The following ASPM variants were observed in gnomAD, a reference collection of about 807,000 sequenced individuals.
ASPM encodes the protein abnormal spindle-like microcephaly-associated protein.
Under a neutral mutation model 366.4 loss-of-function variants are expected in ASPM, and 256 were observed. The ratio of observed to expected loss-of-function variants is 0.70; its 90% CI spans 0.63 to 0.77. ASPM has a LOEUF of 0.77. ASPM is among the 30% of genes least tolerant of loss of function. ASPM has a pLI of 0.00. For synonymous variants in ASPM, 1,414 were observed against 1,342.9 expected (o/e 1.05, Z -1.16); for missense variants, 4,146 against 4,090.4 (o/e 1.01, Z -0.37).
intron 4 of ASPM, among the ~76,000 whole-genome samples, chr1:197,135,623 C>CTTTTTTTTTTTTTT (rs778898963): frequency 1.7e-4 from 12 of 69,792 alleles, no homozygotes; most frequent in South Asian, 5.0e-4. Context: ...AAATATCTGT[C>CTTTTTTTTTTTTTT]TTTTTTTTTT....
At chr1:197,125,602 G>A (rs1003054750) in intron 10 of ASPM, among the ~76,000 whole-genome samples, 10 of 152,000 alleles carry the variant, frequency 6.6e-5, no homozygotes, top group South Asian at 4.1e-4. Flanking sequence ...ATGGTAAAGC[G>A]CACAATTAAT....
chr1:197,084,528 A>G (rs1656529157), intron 27 of ASPM, 102 bp from the exon 28 acceptor site: 1 of 754,928 alleles, frequency 1.3e-6, no homozygotes, highest in Admixed American at 2.2e-5. Context: ...TCCTGAACAC[A>G]TCATTTCCCT....
chr1:197,109,616 A>G (rs983360760), intron 17 of ASPM, among the ~76,000 whole-genome samples: 14 of 152,070 alleles, frequency 9.2e-5, no homozygotes, highest in African/African-American at 3.1e-4. Context: ...AGCCAATAAA[A>G]TAAGTGGGGG....
chr1:197,103,579 C>T lies in ASPM; in HGVS notation c.5672G>A (p.Arg1891Gln), dbSNP rs755221660. 6 of 1,612,850 alleles carry T rather than the reference C, an allele frequency of 3.7e-6. No individual in the cohort carries two copies. Among genetic ancestry groups the T allele is most frequent in the East Asian group, 2.2e-5 (1 of 44,788 alleles). ...TTGATGTTCCCTTCTAATCTGTTTC[C>T]GAACCTTCCAGCCACGATAAGCAGA... ...LQSAYRGWKV[R>Q]KQIRREHQAA... Residue 1891 changes from arginine (R) to glutamine (Q), a missense_variant, in exon 18 of 28, where the codon CGG becomes CAG. Coordinates refer to ENST00000367409, the MANE Select transcript of ASPM (RefSeq NM_018136.5).
intron 26 of ASPM, 99 bp downstream of exon 26, chr1:197,088,157 C>G: frequency 7.5e-7 from 1 of 1,334,698 alleles, no homozygotes; most frequent in Non-Finnish European, 1.1e-6. Context: ...ACATAAAACC[C>G]TATTTTAGAG....
intron 4 of ASPM, chr1:197,139,316 G>C (rs1340622651): frequency 2.1e-5 from 16 of 770,018 alleles, no homozygotes; most frequent in Non-Finnish European, 3.3e-5. Context: ...CATGTTTTTG[G>C]CCGGGCGCGG....
rs751184961 is a variant in ASPM at position 197,125,050 on chromosome 1, C to T, written c.3078G>A (p.Glu1026=). 10 of 1,613,804 alleles carry T rather than the reference C, an allele frequency of 6.2e-6. No homozygotes were observed. The highest frequency in any genetic ancestry group is 8.5e-6 in the Non-Finnish European group (10 of 1,179,902). ...TTACCTCTACTCAGTTTTTACCATG[C>T]TCATCACTTAATTCAATTCCTCGTG... ...LKSRGIELSD[E]HGNTILSKDI... The change falls in exon 11 of 28, where the codon GAG becomes GAA. Residue 1026 remains glutamate, a synonymous_variant. Transcript: ENST00000367409.
intron 23 of ASPM, 134 bp downstream of exon 23, chr1:197,090,716 T>C: frequency 6.2e-6 from 5 of 803,642 alleles, no homozygotes; most frequent in Admixed American, 2.3e-5. Flanking sequence ...TATGGTAGTA[T>C]AGTGCTTATG....
Position 197,112,659 on chromosome 1 carries a change from C to T in ASPM, c.4065+5130G>A, listed in dbSNP as rs1657624618. On this transcript the variant is annotated intron_variant, in intron 17 of 27. Coordinates refer to ENST00000367409, the MANE Select transcript of ASPM (RefSeq NM_018136.5). ...TAATCAGAAATTTGAAAGAATGCAACTGTTTGTCTCTCACCTATCTGACCT... is the reference window on the plus strand; with the variant it reads ...TAATCAGAAATTTGAAAGAATGCAATTGTTTGTCTCTCACCTATCTGACCT... Among the ~76,000 whole-genome samples, 8 of 152,104 alleles carry T rather than the reference C, an allele frequency of 5.3e-5. No homozygotes were observed. In the South Asian group the frequency reaches 1.4e-3, roughly 28 times the overall value.
At chr1:197,095,294 A>T (rs1408261755) in intron 19 of ASPM, among the ~76,000 whole-genome samples, 1 of 151,586 alleles carries the variant, frequency 6.6e-6, no homozygotes, top group East Asian at 1.9e-4. Context: ...TTCTATCTTC[A>T]TGCGATCAAC....
At chr1:197,110,882 C>T (rs1277397202) in intron 17 of ASPM, among the ~76,000 whole-genome samples, 1 of 151,654 alleles carries the variant, frequency 6.6e-6, no homozygotes, top group Non-Finnish European at 1.5e-5. Context: ...AATAAACGGT[C>T]AGTGCAGAAG....
Position 197,135,219 on chromosome 1 carries a change from A to T in ASPM, c.2050T>A (p.Phe684Ile), listed in dbSNP as rs113546603. 1.2e-6 allele frequency: 2 copies of T among 1,613,980 alleles called. No individual in the cohort carries two copies. The highest frequency in any genetic ancestry group is 1.7e-6 in the Non-Finnish European group (2 of 1,179,946). Residue 684 changes from phenylalanine to isoleucine, a missense_variant, in exon 5 of 28, where the codon TTT becomes ATT. Coordinates refer to ENST00000367409, the MANE Select transcript of ASPM (RefSeq NM_018136.5). ...KTDIPRHPMP[F>I]AAKNMFYDER... ...TCATAAAACATGTTTTTTGCAGCAA[A>T]TGGCATCGGGTGTCTGGGAATATCT... is the stretch of plus-strand genomic sequence containing the variant.
At chr1:197,127,397 T>C (rs1461984647) in intron 10 of ASPM, among the ~76,000 whole-genome samples, 1 of 152,208 alleles carries the variant, frequency 6.6e-6, no homozygotes, top group East Asian at 1.9e-4. Context: ...ATTAAATCTG[T>C]GCTCCCCATA....
chr1:197,090,749 T>G, intron 23 of ASPM, 101 bp downstream of exon 23: 1 of 1,135,480 alleles, frequency 8.8e-7, no homozygotes, highest in Non-Finnish European at 1.3e-6. Context: ...GGCTAATGCG[T>G]TAGCTTTTTA....
intron 7 of ASPM, among the ~76,000 whole-genome samples, chr1:197,131,052 G>A (rs1028809552): frequency 7.9e-5 from 12 of 152,194 alleles, no homozygotes; most frequent in African/African-American, 2.9e-4. Flanking sequence ...AGCAGAGCTA[G>A]TTGATCTGTA....
intron 17 of ASPM, among the ~76,000 whole-genome samples, chr1:197,113,569 C>T (rs1422985054): frequency 6.6e-6 from 1 of 151,982 alleles, no homozygotes; most frequent in Non-Finnish European, 1.5e-5. Context: ...TAGAGTATAA[C>T]ATAGGCATAC....
At chr1:197,085,424 G>A (rs868728881) in intron 27 of ASPM, among the ~76,000 whole-genome samples, 18 of 151,998 alleles carry the variant, frequency 1.2e-4, no homozygotes, top group African/African-American at 3.9e-4. Flanking sequence ...GTATCAAACC[G>A]AGGGAGTTCA....
chr1:197,122,167 C>T lies in ASPM; in HGVS notation c.3733G>A (p.Asp1245Asn), dbSNP rs779651250. The T allele has an allele frequency of 1.2e-6, 2 of 1,610,468 alleles. No individual in the cohort carries two copies. The highest frequency in any genetic ancestry group is 3.3e-5 in the Admixed American group (2 of 59,870). Residue 1245 changes from aspartate (D) to asparagine (N), a missense_variant, in exon 15 of 28, where the codon GAT becomes AAT. By Grantham distance (23) the Asp-to-Asn change is conservative (BLOSUM62 1). Transcript: ENST00000367409. ...ACTCTTCTTTTACTTACCTTTTCAT[C>T]TGGAATTGTATTTGACATATCTGAA... ...NHSDMSNTIP[D>N]EKVVITYLSF... is the part of the protein sequence containing the mutation.
At chr1:197,127,993 G>T (rs935778780) in intron 10 of ASPM, among the ~76,000 whole-genome samples, 1 of 151,558 alleles carries the variant, frequency 6.6e-6, no homozygotes, top group Non-Finnish European at 1.5e-5. Flanking sequence ...GTGAAACCCC[G>T]TCTCTACTAA....
Sources: gnomAD v4.1 joint callset for allele counts (sites outside exome capture counted in the v4.1 genomes callset) on GRCh38, gnomAD v4.1.1 for gene constraint, MANE v1.5 for transcripts, NCBI Gene and HGNC (gene_info 2026-07-23, HGNC 2026-07-21) for gene names.